The following SNTG1 variants were observed in gnomAD, a reference collection of about 807,000 sequenced individuals.
The protein encoded by SNTG1 is syntrophin gamma 1.
SNTG1 carries 39 observed loss-of-function variants against 74.7 expected under a neutral mutation model. That is an observed-to-expected ratio of 0.52 (90% CI 0.40 to 0.68). The LOEUF is 0.68. SNTG1 is among the 30% of genes least tolerant of loss of function. SNTG1 has a pLI of 0.00. For synonymous variants in SNTG1, 254 were observed against 217.1 expected, an observed-to-expected ratio of 1.17 and a Z score of -1.49; for missense variants, 685 against 609.5, an observed-to-expected ratio of 1.12 and a Z score of -1.30.
intron 1 of SNTG1, among the ~76,000 whole-genome samples, chr8:50,010,856 A>T (rs1815724322): frequency 7.3e-6 from 1 of 137,640 alleles, no homozygotes; most frequent in Admixed American, 7.9e-5. Flanking sequence ...GTTGTTTCAG[A>T]TTCCTTTGTT....
chr8:50,299,954 A>T (rs1202346505), intron 2 of SNTG1, among the ~76,000 whole-genome samples: 2 of 152,132 alleles, frequency 1.3e-5, no homozygotes, highest in Non-Finnish European at 2.9e-5. Context: ...GGGTAGTTGT[A>T]AAGACTAAAT....
chr8:50,418,270 C>T lies in SNTG1; in HGVS notation c.162+15926C>T, dbSNP rs80295232. 1.3e-3 allele frequency among the ~76,000 whole-genome samples: 191 copies of T among 152,164 alleles called. 3 individuals carry two copies. In the East Asian group the frequency reaches 0.034, roughly 27 times the overall value. On this transcript the variant is annotated intron_variant, in intron 4 of 18. Transcript: ENST00000642720. ...ACATTGCTCAATTTAATGGATATTT[C>T]TCATTCCTAATTTTACTTGTGTTTT...
chr8:50,529,912 T>TTTTTTTTTTTTTTTTTTTTTTTTGAG (rs1158876473), intron 9 of SNTG1, among the ~76,000 whole-genome samples: 4 of 151,896 alleles, frequency 2.6e-5, no homozygotes, highest in African/African-American at 4.8e-5. Context: ...TAATACTTTT[T>TTTTTTTTTTTTTTTTTTTTTTTTGAG]ATAAGGCTGT....
At position 50,411,151 on chromosome 8, in the gene SNTG1, A is replaced by C. The variant is rs567258935; in HGVS notation, c.162+8807A>C. Among the ~76,000 whole-genome samples the C allele has an allele frequency of 2.0e-5, 3 of 152,168 alleles. No individual in the cohort carries two copies. In the East Asian group the frequency reaches 5.8e-4, roughly 29 times the overall value. On this transcript the variant is annotated intron_variant, in intron 4 of 18. Transcript: ENST00000642720. ...CTGACATTCCAAATGTGTGCAAATAAGACTAAGAAAAGGAAGGCCGGGTGC... is the reference window on the plus strand; with the variant it reads ...CTGACATTCCAAATGTGTGCAAATACGACTAAGAAAAGGAAGGCCGGGTGC...
chr8:49,952,781 T>C (rs11786880), intron 1 of SNTG1, among the ~76,000 whole-genome samples: 7,373 of 152,240 alleles, frequency 0.048, 193 homozygotes, highest in Middle Eastern at 0.095. Context: ...GTTAAATATA[T>C]AGGACTTTTT....
intron 17 of SNTG1, among the ~76,000 whole-genome samples, chr8:50,717,001 G>T (rs1181959280): frequency 6.6e-6 from 1 of 152,058 alleles, no homozygotes; most frequent in Non-Finnish European, 1.5e-5. Context: ...CTCCCAAAAT[G>T]CTGGGATTAC....
chr8:50,501,835 A>C (rs2093961102), intron 8 of SNTG1, among the ~76,000 whole-genome samples: 1 of 151,956 alleles, frequency 6.6e-6, no homozygotes, highest in Non-Finnish European at 1.5e-5. Flanking sequence ...CGGTTGAACA[A>C]GTTTTCTATG....
At chr8:50,333,496 G>A (rs2091036706) in intron 2 of SNTG1, among the ~76,000 whole-genome samples, 1 of 152,268 alleles carries the variant, frequency 6.6e-6, no homozygotes, top group East Asian at 1.9e-4. Flanking sequence ...TAATACTTCA[G>A]CTTCTCCTAG....
chr8:50,636,154 T>A (rs1437167259), intron 13 of SNTG1, among the ~76,000 whole-genome samples: 2 of 151,034 alleles, frequency 1.3e-5, no homozygotes, highest in African/African-American at 4.9e-5. Flanking sequence ...GGTATCCAAG[T>A]TGCAAGACAA....
At chr8:50,211,670 A>C (rs748144008) in intron 2 of SNTG1, among the ~76,000 whole-genome samples, 5 of 152,184 alleles carry the variant, frequency 3.3e-5, no homozygotes, top group Non-Finnish European at 7.4e-5. Flanking sequence ...CTGAGCCATA[A>C]GATTCCACGT....
intron 1 of SNTG1, among the ~76,000 whole-genome samples, chr8:50,101,659 T>A (rs2080128736): frequency 6.6e-6 from 1 of 152,068 alleles, no homozygotes; most frequent in South Asian, 2.1e-4. Context: ...CTGCACACAT[T>A]AACTCGTCAT....
chr8:50,034,055 G>T (rs1180088040), intron 1 of SNTG1, among the ~76,000 whole-genome samples: 1 of 152,104 alleles, frequency 6.6e-6, no homozygotes, highest in Non-Finnish European at 1.5e-5. Context: ...ACAACTCAAT[G>T]AAAAAGAAGG....
intron 15 of SNTG1, among the ~76,000 whole-genome samples, chr8:50,683,218 A>C (rs1348936584): frequency 6.6e-6 from 1 of 152,170 alleles, no homozygotes; most frequent in Non-Finnish European, 1.5e-5. Flanking sequence ...GCCCCCAAAT[A>C]AAACACTTTC....
At chr8:49,963,125 A>G (rs1473936140) in intron 1 of SNTG1, among the ~76,000 whole-genome samples, 2 of 152,252 alleles carry the variant, frequency 1.3e-5, no homozygotes. Flanking sequence ...ACATGAGTGG[A>G]TGCATGAATA....
At chr8:50,444,051 T>A (rs919735842) in intron 5 of SNTG1, among the ~76,000 whole-genome samples, 2 of 151,946 alleles carry the variant, frequency 1.3e-5, no homozygotes, top group African/African-American at 2.4e-5. Context: ...GACAGGAGAA[T>A]CACTTGAACC....
chr8:50,673,140 G>A (rs2095293041), intron 15 of SNTG1, among the ~76,000 whole-genome samples: 1 of 152,084 alleles, frequency 6.6e-6, no homozygotes, highest in Non-Finnish European at 1.5e-5. Context: ...TTTTTCCTTA[G>A]GATTGTCTTG....
Position 50,708,837 on chromosome 8 carries a change from A to C in SNTG1, c.1192-49A>C, listed in dbSNP as rs762401702. 12 of 1,220,556 alleles carry C rather than the reference A, an allele frequency of 9.8e-6. No homozygotes were observed. In the African/African-American group the frequency reaches 1.8e-4, roughly 18 times the overall value. The allele number at this position is 1,220,556 out of a possible 1,614,324, so 75.6% of individuals were successfully genotyped here. The stretch of plus-strand genomic sequence containing the variant: ...AGCTGTAACATAGTTCATAATATTG[A>C]TATTGCATCAATAACATGAAAAGTA... On this transcript the variant is annotated intron_variant, in intron 16 of 18. Transcript: ENST00000642720.
rs112547717 is a variant in SNTG1, at chr8:50,242,461, GAGGTTGC to G, written c.-28+69829_-28+69835del. Among the ~76,000 whole-genome samples, 93 of 151,074 alleles carry G rather than the reference GAGGTTGC, an allele frequency of 6.2e-4. 1 individual carries two copies. Among genetic ancestry groups the G allele is most frequent in the African/African-American group, 2.1e-3 (86 of 41,126 alleles). On this transcript the variant is annotated intron_variant, in intron 2 of 18. Transcript: ENST00000642720. The stretch of plus-strand genomic sequence containing the variant: ...GAGAATCACTTGAACCTGGCAGGTG[GAGGTTGC>G]AGTGAGCCAAAATCATGCCACTGCT...
chr8:50,769,890 A>G (rs1353677662), intron 18 of SNTG1, among the ~76,000 whole-genome samples: 2 of 152,130 alleles, frequency 1.3e-5, no homozygotes, highest in African/African-American at 2.4e-5. Context: ...AAGAACCTAA[A>G]AGATTTTGAA....
Sources: allele counts gnomAD v4.1 joint callset (sites outside exome capture counted in the v4.1 genomes callset), GRCh38; gene constraint gnomAD v4.1.1; transcripts MANE v1.5; gene names NCBI Gene and HGNC (gene_info 2026-07-23, HGNC 2026-07-21).